Variants in NBPF8 observed in about 807,000 individuals in gnomAD.
NBPF8 encodes the protein NBPF family member NBPF8.
At chr1:120,415,253 G>C (rs1553244931), upstream of NBPF8, among the ~76,000 whole-genome samples, 5 of 152,206 alleles carry the variant, frequency 3.3e-5, no homozygotes, top group South Asian at 4.1e-4. Flanking sequence ...GGTTTACAGC[G>C]AAGTCCACCC....
chr1:120,420,345 G>A (rs1660539290), intron 1 of NBPF8, among the ~76,000 whole-genome samples: 1 of 148,746 alleles, frequency 6.7e-6, no homozygotes, highest in Non-Finnish European at 1.5e-5. Flanking sequence ...TACTTCAGGA[G>A]AGGACAGTGT....
At chr1:120,461,016 C>CTGTGTG (rs202089337) in intron 18 of NBPF8, among the ~76,000 whole-genome samples, 1,912 of 131,240 alleles carry the variant, frequency 0.015, 26 homozygotes, top group Non-Finnish European at 0.017. Context: ...TGAGCTCGAA[C>CTGTGTG]TGTGTGTGTG....
chr1:120,423,270 C>A (rs1431079325), intron 1 of NBPF8, among the ~76,000 whole-genome samples: 1 of 118,846 alleles, frequency 8.4e-6, no homozygotes, highest in East Asian at 2.0e-4. Flanking sequence ...CTTACATTTA[C>A]GTGTAAGATT....
intron 1 of NBPF8, among the ~76,000 whole-genome samples, chr1:120,425,258 G>C (rs1387261613): frequency 6.6e-6 from 1 of 151,798 alleles, no homozygotes; most frequent in African/African-American, 2.4e-5. Flanking sequence ...TCTCCTCCTC[G>C]TCCCTGGGCA....
intron 18 of NBPF8, among the ~76,000 whole-genome samples, chr1:120,460,910 C>A (rs1335114672): frequency 2.2e-4 from 34 of 151,908 alleles, no homozygotes; most frequent in African/African-American, 8.0e-4. Context: ...TTATTGAGGA[C>A]AGGCTTTTCA....
chr1:120,435,940 A>C (rs1270508353), upstream of NBPF8, among the ~76,000 whole-genome samples: 54 of 152,018 alleles, frequency 3.6e-4, no homozygotes, highest in African/African-American at 1.3e-3. Context: ...CATGACTACC[A>C]TTAAGAAAAT....
intron 12 of NBPF8, among the ~76,000 whole-genome samples, chr1:120,451,598 A>C (rs1661273314): frequency 7.1e-6 from 1 of 141,266 alleles, no homozygotes; most frequent in Admixed American, 7.4e-5. Context: ...GTGTGCCATC[A>C]CCACCCCACT....
intron 3 of NBPF8, among the ~76,000 whole-genome samples, chr1:120,428,208 G>T (rs1285680395): frequency 4.5e-4 from 69 of 152,280 alleles, no homozygotes; most frequent in African/African-American, 1.7e-3. Context: ...GAAACAGATG[G>T]TCATAGAATT....
At chr1:120,415,819 T>TCCGG (rs1203817099), upstream of NBPF8, among the ~76,000 whole-genome samples, 1,651 of 152,286 alleles carry the variant, frequency 0.011, 33 homozygotes, top group African/African-American at 0.038. Flanking sequence ...CCGCAGGATT[T>TCCGG]CCGGTAGGTT....
In NBPF8 at chr1:120,452,984, A is replaced by G. The variant is rs1661327251; in HGVS notation, n.2290-388A>G. Among the ~76,000 whole-genome samples, 8 of 151,588 alleles carry G rather than the reference A, an allele frequency of 5.3e-5. No homozygotes were observed. The South Asian group carries it at 1.5e-3, about 28-fold the overall frequency. ...TCTGATGCATAGAGGACTGTGGGAC[A>G]AGTTTGTCTGCTTCTAAGAGAAAGA... On this transcript the variant is annotated intron_variant and non_coding_transcript_variant, in intron 13 of 24. Transcript: ENST00000583271.
chr1:120,431,292 G>A (rs1419296878), intron 3 of NBPF8, among the ~76,000 whole-genome samples: 5 of 116,346 alleles, frequency 4.3e-5, no homozygotes, highest in Non-Finnish European at 6.9e-5. Flanking sequence ...TATATTCACC[G>A]TTTTGAAGAT....
chr1:120,425,368 G>C (rs1342018307), intron 1 of NBPF8, among the ~76,000 whole-genome samples: 4 of 152,050 alleles, frequency 2.6e-5, no homozygotes, highest in African/African-American at 9.7e-5. Context: ...CAGCAATACT[G>C]CTCTTTAAGG....
intron 3 of NBPF8, among the ~76,000 whole-genome samples, chr1:120,431,088 G>C (rs1660861102): frequency 6.9e-6 from 1 of 145,786 alleles, no homozygotes; most frequent in South Asian, 2.1e-4. Context: ...CCTATTTCCA[G>C]AATTACTCTA....
upstream of NBPF8, among the ~76,000 whole-genome samples, chr1:120,415,373 C>A (rs1320826871): frequency 7.9e-6 from 1 of 126,558 alleles, no homozygotes; most frequent in African/African-American, 3.0e-5. Context: ...TTGCGAGCGA[C>A]GGAGGGCGAG....
chr1:120,429,252 G>T (rs1470066105), intron 3 of NBPF8, among the ~76,000 whole-genome samples: 1 of 151,544 alleles, frequency 6.6e-6, no homozygotes, highest in South Asian at 2.1e-4. Flanking sequence ...TACTTCAGTG[G>T]CCACTCTTCC....
chr1:120,418,792 C>T (rs1418208437), upstream of NBPF8, among the ~76,000 whole-genome samples: 2 of 149,234 alleles, frequency 1.3e-5, no homozygotes, highest in African/African-American at 5.0e-5. Context: ...AAATGACCCT[C>T]CCACCTTGGC....
chr1:120,416,578 C>G (rs1254915206), upstream of NBPF8, among the ~76,000 whole-genome samples: 3 of 46,774 alleles, frequency 6.4e-5, 1 homozygote, highest in Non-Finnish European at 1.2e-4. Context: ...GCACTCCCTC[C>G]TGGGTGGCAG....
rs1286744123 is a variant in NBPF8, at chr1:120,427,851, C to T, written n.510+4C>T. Among the ~76,000 whole-genome samples the T allele has an allele frequency of 4.1e-5, 6 of 147,194 alleles. No homozygotes were observed. The highest frequency in any genetic ancestry group is 7.5e-5 in the Non-Finnish European group (5 of 66,854). On this transcript the variant is annotated splice_donor_region_variant and intron_variant and non_coding_transcript_variant, in intron 3 of 28. Coordinates refer to the NBPF8 transcript ENST00000652355. ...AAATGTGAGCCTATGGATCAAGGTGCGTACTCAAACACAGAGAGCTTTCTG... is the reference window on the plus strand; with the variant it reads ...AAATGTGAGCCTATGGATCAAGGTGTGTACTCAAACACAGAGAGCTTTCTG...
At chr1:120,451,970 C>G (rs1661287376) in intron 12 of NBPF8, 147 bp from the exon 11 acceptor site, 3 of 926,558 alleles carry the variant, frequency 3.2e-6, no homozygotes, top group Admixed American at 1.8e-5. Flanking sequence ...TATTCTTTCT[C>G]TTGGCCACAG....
Sources: gnomAD v4.1 joint callset for allele counts (sites outside exome capture counted in the v4.1 genomes callset) on GRCh38, gnomAD v4.1.1 for gene constraint, MANE v1.5 for transcripts, NCBI Gene and HGNC (gene_info 2026-07-23, HGNC 2026-07-21) for gene names.